Variants in MAPK10 observed in about 807,000 individuals in gnomAD.
MAPK10 encodes JNK3 alpha protein kinase.
MAPK10 carries 25 observed loss-of-function variants against 59.3 expected under a neutral mutation model. The observed-to-expected ratio is 0.42, with a 90% CI of 0.31 to 0.59. The LOEUF (loss-of-function observed/expected upper bound fraction) is 0.59, where lower values mean the gene tolerates loss of function less well. MAPK10 is among the 20% of genes least tolerant of loss of function. MAPK10 has a pLI of 0.15. For synonymous variants in MAPK10, 190 were observed against 200.5 expected, an observed-to-expected ratio of 0.95 and a Z score of 0.44; for missense variants, 351 against 568.9, an observed-to-expected ratio of 0.62 and a Z score of 3.90.
chr4:86,176,833 A>G (rs1327129365), intron 3 of MAPK10, among the ~76,000 whole-genome samples: 1 of 152,104 alleles, frequency 6.6e-6, no homozygotes, highest in African/African-American at 2.4e-5. Context: ...TTATTTCAAC[A>G]TACAAGATAT....
At chr4:86,102,144 C>G (rs1368662827) in intron 6 of MAPK10, 112 bp from the exon 7 acceptor site, 1 of 920,650 alleles carries the variant, frequency 1.1e-6, no homozygotes, top group East Asian at 2.4e-5. Context: ...CTTAGCTCTG[C>G]CTTTGACTTA....
At chr4:86,401,746 T>C (rs545041723) in intron 1 of MAPK10, among the ~76,000 whole-genome samples, 2 of 152,304 alleles carry the variant, frequency 1.3e-5, no homozygotes, top group African/African-American at 4.8e-5. Context: ...TCACAAGATG[T>C]TGTAAAACTC....
chr4:86,213,534 A>C (rs1396638795), intron 2 of MAPK10, among the ~76,000 whole-genome samples: 1 of 152,130 alleles, frequency 6.6e-6, no homozygotes, highest in African/African-American at 2.4e-5. Flanking sequence ...TGGGGACATT[A>C]GTACAAATTC....
chr4:86,358,793 T>G (rs1382205203), intron 1 of MAPK10: 1 of 152,190 alleles, frequency 6.6e-6, no homozygotes, highest in Non-Finnish European at 1.5e-5. Flanking sequence ...CTAACAAATA[T>G]ACTGCCATAC....
intron 3 of MAPK10, among the ~76,000 whole-genome samples, chr4:86,188,023 G>T (rs756357874): frequency 2.6e-5 from 4 of 152,130 alleles, no homozygotes; most frequent in African/African-American, 4.8e-5. Flanking sequence ...GTTCCTGTTA[G>T]TTTGCTAAGA....
intron 2 of MAPK10, among the ~76,000 whole-genome samples, chr4:86,279,591 T>C (rs929851920): frequency 3.3e-5 from 5 of 152,150 alleles, no homozygotes; most frequent in African/African-American, 7.2e-5. Context: ...ACCAGAATAG[T>C]TGAAGACAGA....
At chr4:86,547,251 C>G (rs1252329673) in intron 1 of MAPK10, among the ~76,000 whole-genome samples, 1 of 152,158 alleles carries the variant, frequency 6.6e-6, no homozygotes, top group Non-Finnish European at 1.5e-5. Context: ...CCGCCCTGCA[C>G]TGTGGGATCC....
intron 1 of MAPK10, among the ~76,000 whole-genome samples, chr4:86,415,123 A>C (rs1745694470): frequency 7.1e-6 from 1 of 140,452 alleles, no homozygotes; most frequent in African/African-American, 2.6e-5. Context: ...CAGGCAACAG[A>C]CCAAGATTCT....
At chr4:86,386,386 C>T (rs17417827) in intron 1 of MAPK10, among the ~76,000 whole-genome samples, 2,206 of 152,292 alleles carry the variant, frequency 0.014, 34 homozygotes, top group Middle Eastern at 0.027. Flanking sequence ...AAGTATCTCC[C>T]TTCACCTCTA....
intron 2 of MAPK10, among the ~76,000 whole-genome samples, chr4:86,320,416 C>G (rs960930807): frequency 3.9e-5 from 6 of 152,172 alleles, no homozygotes; most frequent in Non-Finnish European, 7.4e-5. Context: ...ATTTCTATTC[C>G]AGGCTCTCAA....
chr4:86,391,105 G>A (rs1742123549), intron 1 of MAPK10, among the ~76,000 whole-genome samples: 1 of 152,146 alleles, frequency 6.6e-6, no homozygotes, highest in Admixed American at 6.5e-5. Context: ...ACAAAAATCA[G>A]TTATGAAATT....
intron 4 of MAPK10, among the ~76,000 whole-genome samples, chr4:86,140,172 C>T (rs1161703430): frequency 7.2e-6 from 1 of 139,198 alleles, no homozygotes; most frequent in African/African-American, 3.0e-5. Context: ...ACACAGCCAT[C>T]CCATTACTGG....
chr4:86,305,547 C>G (rs1049479546), intron 2 of MAPK10, among the ~76,000 whole-genome samples: 1 of 151,982 alleles, frequency 6.6e-6, no homozygotes, highest in African/African-American at 2.4e-5. Context: ...GGCCGGGCAC[C>G]GTGGTTTATG....
intron 1 of MAPK10, among the ~76,000 whole-genome samples, chr4:86,567,267 C>CTGGA (rs1761124829): frequency 6.6e-6 from 1 of 150,984 alleles, no homozygotes; most frequent in African/African-American, 2.4e-5. Flanking sequence ...GTTGCCCAGG[C>CTGGA]TGGAGTACAG....
At chr4:86,161,162 A>G in intron 3 of MAPK10, among the ~76,000 whole-genome samples, 1 of 152,052 alleles carries the variant, frequency 6.6e-6, no homozygotes, top group East Asian at 1.9e-4. Flanking sequence ...AAGACCTCAA[A>G]GAATAGAGTG....
intron 9 of MAPK10, chr4:86,082,148 G>A (rs2050793237): frequency 6.6e-6 from 1 of 152,056 alleles, no homozygotes; most frequent in South Asian, 2.1e-4. Flanking sequence ...AAAACATAAG[G>A]AAAGTCACAG....
rs1207244972 is a variant in MAPK10 at position 86,119,224 on chromosome 4, T to C, written c.237-11872A>G. 3.3e-5 allele frequency among the ~76,000 whole-genome samples: 5 copies of C among 152,226 alleles called. No homozygotes were observed. The East Asian group carries it at 7.7e-4, about 23-fold the overall frequency. ...GTATAAAAGTAGGCTTATCAAAGTT[T>C]CAGAGATGCACAGTGATTTTTGAGG... On this transcript the variant is annotated intron_variant, in intron 4 of 13. Coordinates refer to ENST00000641462, the MANE Select transcript of MAPK10 (RefSeq NM_138982.4).
chr4:86,204,492 T>A (rs867117741), intron 2 of MAPK10, among the ~76,000 whole-genome samples: 2 of 152,044 alleles, frequency 1.3e-5, no homozygotes, highest in East Asian at 3.9e-4. Flanking sequence ...CCAATCAAGA[T>A]AGCTAGTACA....
At chr4:86,221,950 A>G (rs1411971882) in intron 2 of MAPK10, among the ~76,000 whole-genome samples, 1 of 152,072 alleles carries the variant, frequency 6.6e-6, no homozygotes, top group African/African-American at 2.4e-5. Context: ...CTAATTGTTT[A>G]AAAGTACATA....
Sources: allele counts gnomAD v4.1 joint callset (sites outside exome capture counted in the v4.1 genomes callset), GRCh38; gene constraint gnomAD v4.1.1; transcripts MANE v1.5; gene names NCBI Gene and HGNC (gene_info 2026-07-23, HGNC 2026-07-21).